The following ERAP1 variants were observed in gnomAD, a reference collection of about 807,000 sequenced individuals.
ERAP1 encodes the protein endoplasmic reticulum aminopeptidase 1.
A neutral mutation model predicts 103.7 loss-of-function variants in ERAP1; 86 were observed. The observed-to-expected ratio is 0.83, with a 90% CI of 0.70 to 0.99. ERAP1 has a LOEUF of 0.99. Ranked by LOEUF, ERAP1 falls within the 50% of genes least tolerant of loss-of-function variation. The pLI is 0.00. For synonymous variants in ERAP1, 398 were observed against 402.4 expected (o/e 0.99, Z 0.13); for missense variants, 1,009 against 1,128.4 (o/e 0.89, Z 1.52).
At chr5:96,838,257 A>G in the ERAP1 span, among the ~76,000 whole-genome samples, 12 of 152,256 alleles carry the variant, frequency 7.9e-5, no homozygotes, top group African/African-American at 2.9e-4. Flanking sequence ...CGAATGGGTT[A>G]CCAAGGCTGC....
At chr5:96,910,851 T>C in the ERAP1 span, among the ~76,000 whole-genome samples, 2 of 152,238 alleles carry the variant, frequency 1.3e-5, no homozygotes, top group Non-Finnish European at 2.9e-5. Flanking sequence ...TAGTTGCACA[T>C]TTCCTTTATG....
chr5:96,790,486 G>A, intron 9 of ERAP1, 26 bp downstream of exon 9: 1 of 1,613,428 alleles, frequency 6.2e-7, no homozygotes, highest in East Asian at 2.2e-5. Context: ...AATCCCAAAT[G>A]CAGAGATATT....
intron 1 of ERAP1, among the ~76,000 whole-genome samples, chr5:96,807,411 C>G (rs962932892): frequency 6.6e-6 from 1 of 152,222 alleles, no homozygotes; most frequent in Non-Finnish European, 1.5e-5. Context: ...GAGCCAGCTG[C>G]CCGCCCCACC....
the ERAP1 span, among the ~76,000 whole-genome samples, chr5:96,898,186 ACT>A: frequency 1.3e-5 from 2 of 152,042 alleles, no homozygotes; most frequent in Non-Finnish European, 2.9e-5. Context: ...ACAGAGTGAG[ACT>A]CTGTCTCAAT....
At chr5:96,916,618 C>A in the ERAP1 span, among the ~76,000 whole-genome samples, 1 of 151,740 alleles carries the variant, frequency 6.6e-6, no homozygotes, top group African/African-American at 2.4e-5. Flanking sequence ...AGGCTGCCAC[C>A]ATGCCCACCT....
chr5:96,901,598 C>A, the ERAP1 span: 9 of 1,614,106 alleles, frequency 5.6e-6, 1 homozygote, highest in South Asian at 8.8e-5. Flanking sequence ...TTAAACAAGA[C>A]GGGTGTTCAC....
chr5:96,889,829 C>CAT, the ERAP1 span, among the ~76,000 whole-genome samples: 5 of 88,150 alleles, frequency 5.7e-5, no homozygotes, highest in Non-Finnish European at 8.7e-5. Context: ...TTAAAAAATA[C>CAT]ATACACACAC....
chr5:96,857,102 C>A, the ERAP1 span, among the ~76,000 whole-genome samples: 1 of 152,200 alleles, frequency 6.6e-6, no homozygotes, highest in African/African-American at 2.4e-5. Flanking sequence ...TGCCTCTGCC[C>A]TCTGCATCTG....
At chr5:96,814,233 T>C in the ERAP1 span, 1 of 456,072 alleles carries the variant, frequency 2.2e-6, no homozygotes. Context: ...CTGACTGTTT[T>C]CTGGAGGCTG....
the ERAP1 span, among the ~76,000 whole-genome samples, chr5:96,914,399 C>A: frequency 6.6e-6 from 1 of 152,156 alleles, no homozygotes; most frequent in East Asian, 1.9e-4. Flanking sequence ...CATTTCCACT[C>A]CTCTCCCAAA....
intron 17 of ERAP1, 44 bp from the exon 18 acceptor site, chr5:96,780,548 C>A: frequency 6.9e-7 from 1 of 1,444,906 alleles, no homozygotes; most frequent in South Asian, 1.1e-5. Flanking sequence ...AATACTTATT[C>A]ATTTAACATA....
the ERAP1 span, among the ~76,000 whole-genome samples, chr5:96,921,283 G>T: frequency 1.3e-5 from 2 of 152,156 alleles, no homozygotes; most frequent in Non-Finnish European, 2.9e-5. Flanking sequence ...TAACTTTCCA[G>T]GTCATCAATG....
chr5:96,910,153 T>G, the ERAP1 span: 5 of 163,172 alleles, frequency 3.1e-5, no homozygotes, highest in African/African-American at 1.2e-4. Flanking sequence ...TAATCCCAGC[T>G]ACTTCGGAGG....
At chr5:96,805,362 A>ATTTTT (rs1778483386) in intron 1 of ERAP1, among the ~76,000 whole-genome samples, 2 of 150,990 alleles carry the variant, frequency 1.3e-5, no homozygotes, top group African/African-American at 4.9e-5. Context: ...TTTTTTAAAA[A>ATTTTT]AAAAAAAAAC....
the ERAP1 span, among the ~76,000 whole-genome samples, chr5:96,904,645 G>A: frequency 6.6e-6 from 1 of 152,176 alleles, no homozygotes; most frequent in Non-Finnish European, 1.5e-5. Flanking sequence ...GTTGAAGGAG[G>A]TTTGCCTGCT....
At chr5:96,866,137 T>C in the ERAP1 span, among the ~76,000 whole-genome samples, 1 of 152,224 alleles carries the variant, frequency 6.6e-6, no homozygotes, top group African/African-American at 2.4e-5. Context: ...CCTAGTAGTG[T>C]TATCTACATG....
At chr5:96,886,623 C>G in the ERAP1 span, 5 of 1,464,916 alleles carry the variant, frequency 3.4e-6, no homozygotes, top group Non-Finnish European at 4.6e-6. Flanking sequence ...CTCCAGTTTT[C>G]AAGTACTGAT....
At chr5:96,896,385 T>C in the ERAP1 span, 15 of 1,610,502 alleles carry the variant, frequency 9.3e-6, no homozygotes, top group African/African-American at 2.7e-5. Context: ...TGACTATTTT[T>C]TGAATGTGTG....
chr5:96,900,212 A>G, the ERAP1 span: 9 of 1,613,206 alleles, frequency 5.6e-6, no homozygotes, highest in Non-Finnish European at 7.6e-6. Flanking sequence ...AGAGTCACAG[A>G]GTAGAAGAGA....
Sources: allele counts gnomAD v4.1 joint callset (sites outside exome capture counted in the v4.1 genomes callset), GRCh38; gene constraint gnomAD v4.1.1; transcripts MANE v1.5; gene names NCBI Gene and HGNC (gene_info 2026-07-23, HGNC 2026-07-21).